The following NRXN1 variants were observed in gnomAD, a reference collection of about 807,000 sequenced individuals.
NRXN1 encodes neurexin-1.
NRXN1 carries 39 observed loss-of-function variants against 150.9 expected under a neutral mutation model. That is an observed-to-expected ratio of 0.26 (90% confidence interval 0.20 to 0.34). The LOEUF (loss-of-function observed/expected upper bound fraction) is 0.34, where lower values mean the gene tolerates loss of function less well. Ranked by LOEUF, NRXN1 falls within the 10% of genes least tolerant of loss-of-function variation. The pLI, the probability that NRXN1 is intolerant of heterozygous loss-of-function variation, is 1.00. For synonymous variants in NRXN1, 924 were observed against 757.0 expected, an observed-to-expected ratio of 1.22 and a Z score of -3.62; for missense variants, 1,815 against 1,949.9, an observed-to-expected ratio of 0.93 and a Z score of 1.30.
intron 18 of NRXN1, among the ~76,000 whole-genome samples, chr2:50,231,909 ATTAT>A (rs1442528576): frequency 1.3e-5 from 2 of 152,160 alleles, no homozygotes; most frequent in African/African-American, 4.8e-5. Context: ...CTTCTAAGAA[ATTAT>A]TTAAGTCATT....
intron 15 of NRXN1, among the ~76,000 whole-genome samples, chr2:50,484,106 G>C (rs1380109123): frequency 6.6e-6 from 1 of 152,012 alleles, no homozygotes; most frequent in East Asian, 1.9e-4. Flanking sequence ...GGATAAAAAA[G>C]GTTATAGCCA....
chr2:50,406,264 G>C (rs1313651182), intron 17 of NRXN1, among the ~76,000 whole-genome samples: 1 of 152,006 alleles, frequency 6.6e-6, no homozygotes, highest in African/African-American at 2.4e-5. Flanking sequence ...GAACTTTTAA[G>C]AGGAGACACA....
At chr2:50,717,647 G>A (rs1435997347) in intron 5 of NRXN1, among the ~76,000 whole-genome samples, 2 of 152,176 alleles carry the variant, frequency 1.3e-5, no homozygotes, top group Admixed American at 6.5e-5. Context: ...TATAACAAAA[G>A]TAGCTCAAAC....
intron 2 of NRXN1, among the ~76,000 whole-genome samples, chr2:51,016,174 A>G (rs1668635908): frequency 6.6e-6 from 1 of 152,246 alleles, no homozygotes; most frequent in Admixed American, 6.5e-5. Context: ...AACCTAGACA[A>G]TATCATTCAG....
chr2:50,249,246 A>G (rs1359071580), intron 17 of NRXN1, among the ~76,000 whole-genome samples: 2 of 152,010 alleles, frequency 1.3e-5, no homozygotes, highest in South Asian at 2.1e-4. Context: ...GGAAGGACTC[A>G]TATCTCTTCT....
chr2:50,708,993 A>C (rs936059106), intron 5 of NRXN1, among the ~76,000 whole-genome samples: 1 of 152,094 alleles, frequency 6.6e-6, no homozygotes, highest in East Asian at 1.9e-4. Context: ...CAGACATTTG[A>C]TTGCCTGCTG....
chr2:50,045,279 T>C (rs1691634595), intron 21 of NRXN1, among the ~76,000 whole-genome samples: 1 of 152,198 alleles, frequency 6.6e-6, no homozygotes, highest in African/African-American at 2.4e-5. Flanking sequence ...AAGCTTAATG[T>C]TTACATATAT....
intron 18 of NRXN1, among the ~76,000 whole-genome samples, chr2:50,211,674 T>C (rs1235009276): frequency 6.6e-6 from 1 of 151,456 alleles, no homozygotes; most frequent in African/African-American, 2.4e-5. Flanking sequence ...AATATCGTCA[T>C]AATGAAGGTT....
chr2:50,398,340 G>C (rs2082175753), intron 17 of NRXN1, among the ~76,000 whole-genome samples: 1 of 151,984 alleles, frequency 6.6e-6, no homozygotes, highest in Non-Finnish European at 1.5e-5. Flanking sequence ...AGTTTCTTTT[G>C]AGAAAGTACA....
intron 21 of NRXN1, among the ~76,000 whole-genome samples, chr2:50,034,883 A>G (rs1338127516): frequency 6.6e-6 from 1 of 152,116 alleles, no homozygotes; most frequent in African/African-American, 2.4e-5. Context: ...ATATAGTTTC[A>G]TAAATGAGTA....
chr2:50,202,828 A>G (rs17040184), intron 18 of NRXN1, among the ~76,000 whole-genome samples: 2,033 of 152,236 alleles, frequency 0.013, 41 homozygotes, highest in African/African-American at 0.046. Flanking sequence ...AGATGTGAAA[A>G]TGCATGAATT....
intron 3 of NRXN1, 30 bp downstream of exon 3, chr2:50,925,908 A>G: frequency 6.5e-7 from 1 of 1,544,500 alleles, no homozygotes; most frequent in African/African-American, 1.4e-5. Flanking sequence ...GACAAATGAG[A>G]GTTGGAAAAA....
intron 9 of NRXN1, among the ~76,000 whole-genome samples, chr2:50,550,856 T>C (rs1283152997): frequency 6.6e-6 from 1 of 151,750 alleles, no homozygotes; most frequent in East Asian, 2.0e-4. Context: ...AATTTTTTTG[T>C]ATTTTTAGTA....
chr2:50,636,757 C>T (rs1226813676), intron 5 of NRXN1, among the ~76,000 whole-genome samples: 2 of 152,090 alleles, frequency 1.3e-5, no homozygotes, highest in African/African-American at 2.4e-5. Flanking sequence ...TGTAAATTTC[C>T]TATTCCTAAT....
chr2:50,184,865 A>T (rs539193118), intron 18 of NRXN1, among the ~76,000 whole-genome samples: 1 of 152,260 alleles, frequency 6.6e-6, no homozygotes, highest in East Asian at 1.9e-4. Context: ...GAACCGAGTC[A>T]TGCAGGGATT....
Position 50,552,527 on chromosome 2 carries a change from A to G in NRXN1, c.1759+60T>C, listed in dbSNP as rs1411408892. On this transcript the variant is annotated intron_variant, in intron 9 of 22. Transcript: ENST00000401669. ...TATGTCTTGGTTTTCACTTTTAGGA[A>G]TGGCATGGGTGGGTGGGGTGCTCCA... The G allele has an allele frequency of 3.1e-6, 4 of 1,296,378 alleles. No individual in the cohort carries two copies. In the African/African-American group the frequency reaches 5.9e-5, roughly 19 times the overall value. 80.3% of individuals were successfully genotyped at this position (1,296,378 alleles called of 1,614,324 possible). A position where few individuals can be genotyped will look rare whatever the true frequency, so the allele number is the denominator to read the frequency against.
intron 8 of NRXN1, among the ~76,000 whole-genome samples, chr2:50,604,022 T>G (rs75158081): frequency 6.6e-6 from 1 of 152,192 alleles, no homozygotes; most frequent in Admixed American, 6.5e-5. Context: ...TTGTATTTTG[T>G]ATTCTTCTTT....
At chr2:50,822,589 A>G (rs1559312487) in intron 5 of NRXN1, among the ~76,000 whole-genome samples, 1 of 152,154 alleles carries the variant, frequency 6.6e-6, no homozygotes, top group South Asian at 2.1e-4. Context: ...TGCAACAGAA[A>G]GTAAAGGACA....
At chr2:51,014,645 A>G (rs2105222913) in intron 2 of NRXN1, among the ~76,000 whole-genome samples, 1 of 152,194 alleles carries the variant, frequency 6.6e-6, no homozygotes, top group Middle Eastern at 3.4e-3. Context: ...AGGAATTACA[A>G]GTGAAGAGTC....
Sources: allele counts gnomAD v4.1 joint callset (sites outside exome capture counted in the v4.1 genomes callset), GRCh38; gene constraint gnomAD v4.1.1; transcripts MANE v1.5; gene names NCBI Gene and HGNC (gene_info 2026-07-23, HGNC 2026-07-21).